EDA2R: variants seen among roughly 807,000 people sequenced by gnomAD.
The protein encoded by EDA2R is ectodysplasin A2 receptor, also known as tumor necrosis factor receptor superfamily member 27.
EDA2R carries 26 observed loss-of-function variants against 20.1 expected under a neutral mutation model. The observed-to-expected ratio is 1.30, with a 90% CI of 0.95 to 1.80. The LOEUF (loss-of-function observed/expected upper bound fraction) is 1.80, where lower values mean the gene tolerates loss of function less well. Ranked by LOEUF, EDA2R falls within the 40% of genes most tolerant of loss-of-function variation. The probability of loss-of-function intolerance (pLI) is 0.00; values close to 1 mark genes in which losing one functional copy is unlikely to be tolerated. For missense variants in EDA2R, 277 were observed against 228.7 expected (o/e 1.21, Z -1.36); for synonymous variants, 114 against 88.7 (o/e 1.29, Z -1.60).
chrX:66,638,632 T>C (rs1934572369), intron 1 of EDA2R, among the ~76,000 whole-genome samples: 1 of 110,958 alleles, frequency 9.0e-6, no homozygotes, highest in Admixed American at 9.6e-5. Context: ...GCTCCACAAG[T>C]CTGATCCACT....
chrX:66,598,982 T>C (rs891218851), intron 6 of EDA2R, among the ~76,000 whole-genome samples: 2 of 111,959 alleles, frequency 1.8e-5, no homozygotes, highest in Admixed American at 1.9e-4. Flanking sequence ...GCCCTGTGAC[T>C]TTGAGAAACT....
chrX:66,630,898 CAT>C (rs1227747541), intron 1 of EDA2R, among the ~76,000 whole-genome samples: 2 of 107,332 alleles, frequency 1.9e-5, no homozygotes, highest in African/African-American at 6.8e-5. Context: ...TGCATATATA[CAT>C]ATATACACAC....
Position 66,610,440 on chromosome X carries a change from A to G in EDA2R, c.88-5214T>C, listed in dbSNP as rs1394299814. Among the ~76,000 whole-genome samples, 4 of 111,503 alleles carry G rather than the reference A, an allele frequency of 3.6e-5. No homozygotes were observed. In the East Asian group the frequency reaches 1.1e-3, roughly 31 times the overall value. On this transcript the variant is annotated intron_variant, in intron 2 of 6. Coordinates refer to ENST00000374719, the MANE Select transcript of EDA2R (RefSeq NM_021783.5). ...CTTCTGGAAAGCAAGTTTTTATTCT[A>G]TCTATAGCACTGGAATCAGAAGATA...
chrX:66,635,969 T>C (rs1307329268), intron 1 of EDA2R, among the ~76,000 whole-genome samples: 2 of 111,230 alleles, frequency 1.8e-5, no homozygotes, highest in Admixed American at 9.6e-5. Context: ...GGCATGATCA[T>C]AGCTCACTGC....
At chrX:66,631,374 T>C (rs894014624) in intron 1 of EDA2R, among the ~76,000 whole-genome samples, 1 of 110,982 alleles carries the variant, frequency 9.0e-6, no homozygotes, top group East Asian at 2.8e-4. Flanking sequence ...TTTTAATTAA[T>C]AGATTAAAAA....
In EDA2R at chrX:66,599,555, C is replaced by G. The variant is rs201070562; in HGVS notation, c.823G>C (p.Gly275Arg). ...SASYTGAETL[G>R]GNTVESTGDR... ...CCAGTGCTTTCGACTGTGTTTCCCC[C>G]CAAGGTCTCAGCTCCAGTATAGGAG... is the stretch of plus-strand genomic sequence containing the variant. Residue 275 changes from glycine (G) to arginine (R), a missense_variant, in exon 6 of 7, where the codon GGG becomes CGG. Gly to Arg is a moderately radical substitution (Grantham distance 125). Coordinates refer to ENST00000374719, the MANE Select transcript of EDA2R (RefSeq NM_021783.5). 2.4e-5 allele frequency: 28 copies of G among 1,188,190 alleles called. No homozygotes were observed. Among genetic ancestry groups the G allele is most frequent in the Middle Eastern group, 2.3e-4 (1 of 4,338 alleles).
chrX:66,603,580 G>C lies in EDA2R; in HGVS notation c.353-783C>G, dbSNP rs766644764. 2.9e-3 allele frequency among the ~76,000 whole-genome samples: 328 copies of C among 111,508 alleles called. 2 individuals carry two copies. The highest frequency in any genetic ancestry group is 0.01 in the African/African-American group (319 of 30,692). On this transcript the variant is annotated intron_variant, in intron 4 of 6. Transcript: ENST00000374719. ...ATGCACAGTCAAATGATGTAGGAAG[G>C]CCTTTGCATAGTAAAAAAAAAATAA... is the stretch of plus-strand genomic sequence containing the variant.
intron 2 of EDA2R, among the ~76,000 whole-genome samples, chrX:66,611,590 A>AG (rs1930743894): frequency 9.0e-6 from 1 of 111,475 alleles, no homozygotes; most frequent in Non-Finnish European, 1.9e-5. Flanking sequence ...GAGACAGATG[A>AG]TAGAATCAGT....
chrX:66,607,494 G>A (rs1929908696), intron 2 of EDA2R, among the ~76,000 whole-genome samples: 1 of 111,202 alleles, frequency 9.0e-6, no homozygotes, highest in South Asian at 3.8e-4. Context: ...TGCACCTGTG[G>A]TCCCAGCTAC....
At chrX:66,634,606 C>A (rs1364759242) in intron 1 of EDA2R, among the ~76,000 whole-genome samples, 1 of 111,537 alleles carries the variant, frequency 9.0e-6, no homozygotes, top group Non-Finnish European at 1.9e-5. Context: ...CAACTTAACC[C>A]CATTCCCTGA....
Position 66,599,540 on chromosome X carries a change from C to T in EDA2R, c.838G>A (p.Glu280Lys), listed in dbSNP as rs868367275. Residue 280 changes from glutamate (E) to lysine (K), a missense_variant, in exon 6 of 7, where the codon GAA becomes AAA. Physicochemically the swap from Glu to Lys is moderately conservative, Grantham distance 56. Transcript: ENST00000374719. ...AGCTCCAGCCTGTCTCCAGTGCTTT[C>T]GACTGTGTTTCCCCCCAAGGTCTCA... ...GAETLGGNTV[E>K]STGDRLELNV... The T allele has an allele frequency of 9.3e-6, 11 of 1,183,269 alleles. No homozygotes were observed. The highest frequency in any genetic ancestry group is 5.6e-5 in the South Asian group (3 of 53,457).
chrX:66,615,722 A>G (rs759452696), intron 2 of EDA2R, among the ~76,000 whole-genome samples: 1 of 111,489 alleles, frequency 9.0e-6, no homozygotes, highest in African/African-American at 3.3e-5. Context: ...ATACTCTGTT[A>G]TCTCATGGAA....
At chrX:66,606,767 T>C (rs1291912826) in intron 2 of EDA2R, among the ~76,000 whole-genome samples, 2 of 112,318 alleles carry the variant, frequency 1.8e-5, no homozygotes, top group Non-Finnish European at 3.8e-5. Context: ...GTATTCCTAG[T>C]GTGAGACCTC....
chrX:66,635,620 C>A lies in EDA2R; in HGVS notation c.-11+3375G>T, dbSNP rs145228383. ...CTTTTTTTTGACTCATTCTTTAGTG[C>A]CAGAGTTGGCGTAATTGCCCAGCTA... is the stretch of plus-strand genomic sequence containing the variant. On this transcript the variant is annotated intron_variant, in intron 1 of 6. Coordinates refer to ENST00000374719, the MANE Select transcript of EDA2R (RefSeq NM_021783.5). 3.7e-4 allele frequency among the ~76,000 whole-genome samples: 41 copies of A among 112,109 alleles called. No individual in the cohort carries two copies. In the East Asian group the frequency reaches 0.011, roughly 31 times the overall value.
intron 1 of EDA2R, among the ~76,000 whole-genome samples, chrX:66,617,947 T>C (rs944170294): frequency 9.2e-6 from 1 of 108,391 alleles, no homozygotes; most frequent in African/African-American, 3.4e-5. Flanking sequence ...AGTGCAATGG[T>C]ACAGTCTTGG....
intron 1 of EDA2R, among the ~76,000 whole-genome samples, chrX:66,632,044 C>A (rs1057111707): frequency 2.7e-5 from 3 of 111,375 alleles, no homozygotes; most frequent in African/African-American, 9.8e-5. Context: ...AAAAAAAAAT[C>A]CTACGCTCTA....
intron 1 of EDA2R, among the ~76,000 whole-genome samples, chrX:66,636,429 G>A (rs981905340): frequency 2.7e-5 from 3 of 110,453 alleles, no homozygotes; most frequent in Non-Finnish European, 5.7e-5. Context: ...TCTGATCTCT[G>A]GTCTTCAGAT....
chrX:66,637,321 C>A (rs1934423672), intron 1 of EDA2R, among the ~76,000 whole-genome samples: 2 of 111,908 alleles, frequency 1.8e-5, no homozygotes, highest in African/African-American at 6.5e-5. Context: ...AGTTCCAGGG[C>A]CTTGTTCCCT....
At chrX:66,620,901 T>C (rs1031530737) in intron 1 of EDA2R, among the ~76,000 whole-genome samples, 3 of 102,758 alleles carry the variant, frequency 2.9e-5, no homozygotes, top group Admixed American at 2.2e-4. Flanking sequence ...AGATGGTCGG[T>C]GTTATCAGCA....
Sources: gnomAD v4.1 joint callset for allele counts (sites outside exome capture counted in the v4.1 genomes callset) on GRCh38, gnomAD v4.1.1 for gene constraint, MANE v1.5 for transcripts, NCBI Gene and HGNC (gene_info 2026-07-23, HGNC 2026-07-21) for gene names.